Variants in CLTC observed in about 807,000 individuals in gnomAD.
CLTC encodes clathrin heavy chain 1.
In CLTC, 16 loss-of-function variants were observed where a neutral mutation model predicts 195.8. The observed-to-expected ratio is 0.08, with a 90% CI of 0.06 to 0.12. The LOEUF (loss-of-function observed/expected upper bound fraction) is 0.12. CLTC is among the 10% of genes least tolerant of loss of function. The pLI, the probability that CLTC is intolerant of heterozygous loss-of-function variation, is 1.00. For synonymous variants in CLTC, 667 were observed against 689.4 expected (o/e 0.97, Z 0.51); for missense variants, 796 against 2,027.0 (o/e 0.39, Z 11.66).
intron 14 of CLTC, chr17:59,670,875 G>T (rs942277331): frequency 6.6e-6 from 1 of 152,136 alleles, no homozygotes; most frequent in Non-Finnish European, 1.5e-5. Context: ...TATAGTAGGG[G>T]TGTGGATGTG....
intron 10 of CLTC, 138 bp downstream of exon 10, chr17:59,665,047 A>G: frequency 9.0e-7 from 1 of 1,110,522 alleles, no homozygotes; most frequent in Non-Finnish European, 1.3e-6. Flanking sequence ...CAACATTGTG[A>G]GACCCTGTAA....
rs1232830938 is a variant in CLTC at position 59,619,897 on chromosome 17, C to G, written c.-235C>G. 4.0e-6 allele frequency: 2 copies of G among 497,754 alleles called. No individual in the cohort carries two copies. Among genetic ancestry groups the G allele is most frequent in the Non-Finnish European group, 7.2e-6 (2 of 276,388 alleles). The allele number at this position is 497,754 out of a possible 1,614,324, so 30.8% of individuals were successfully genotyped here. ...GCCGGGATCCTTCCGCTGGGCTCAG[C>G]CGTTTCCGGAGTCTGCGCTGCGCCC... On this transcript the variant is annotated 5_prime_UTR_variant, in exon 1 of 32. Coordinates refer to ENST00000269122, the MANE Select transcript of CLTC (RefSeq NM_004859.4).
intron 1 of CLTC, among the ~76,000 whole-genome samples, chr17:59,643,644 A>C (rs969134517): frequency 6.6e-6 from 1 of 152,118 alleles, no homozygotes; most frequent in Non-Finnish European, 1.5e-5. Flanking sequence ...CCCTTAGCCA[A>C]CCACACTTTT....
intron 5 of CLTC, among the ~76,000 whole-genome samples, chr17:59,652,273 C>T (rs2143517385): frequency 6.6e-6 from 1 of 152,216 alleles, no homozygotes; most frequent in African/African-American, 2.4e-5. Context: ...TTTTGACTTC[C>T]TCCCATGAAT....
chr17:59,689,729 TTCTG>T (rs774108817), intron 30 of CLTC: 29 of 152,346 alleles, frequency 1.9e-4, no homozygotes, highest in Non-Finnish European at 2.8e-4. Flanking sequence ...GTAATGTCAC[TTCTG>T]TCTAATTCAT....
In CLTC at chr17:59,681,549, C is replaced by T. The variant is rs111403541; in HGVS notation, c.3249+71C>T. On this transcript the variant is annotated intron_variant, in intron 20 of 31. Transcript: ENST00000269122. This position sits in a 1 kb window ranked among gnomAD's most constrained non-coding sequence, Gnocchi z 5.0. ...TGAGGGTGGGCCTAATTGGTTGCTACGGCAATAGAGCAGCAATAAAATACT... is the reference window on the plus strand; with the variant it reads ...TGAGGGTGGGCCTAATTGGTTGCTATGGCAATAGAGCAGCAATAAAATACT... 2,009 of 1,574,072 alleles carry T rather than the reference C, an allele frequency of 1.3e-3. 26 individuals carry two copies. In the African/African-American group the frequency reaches 0.023, roughly 18 times the overall value.
intron 14 of CLTC, chr17:59,671,015 A>C (rs945906710): frequency 6.6e-6 from 1 of 152,214 alleles, no homozygotes; most frequent in Non-Finnish European, 1.5e-5. Flanking sequence ...TTCTTCAACC[A>C]TAAGCTATGT....
Position 59,696,669 on chromosome 17 carries a change from G to T in CLTC, c.*2817G>T, listed in dbSNP as rs1361984360. 4.7e-6 allele frequency: 1 copy of T among 210,596 alleles called. No individual in the cohort carries two copies. Among genetic ancestry groups the T allele is most frequent in the East Asian group, 7.2e-5 (1 of 13,954 alleles). The allele number at this position is 210,596 out of a possible 1,614,324, so 13.0% of individuals were successfully genotyped here. A position where few individuals can be genotyped will look rare whatever the true frequency, so the allele number is the denominator to read the frequency against. On this transcript the variant is annotated 3_prime_UTR_variant, in exon 32 of 32. Transcript: ENST00000269122. ...ATCTAAAGATCAAAAGGGAAAAAAG[G>T]CACCCTTAATTGTCAAAGTTAGTTC... is the stretch of plus-strand genomic sequence containing the variant.
At position 59,682,884 on chromosome 17, in the gene CLTC, C is replaced by T. The variant is rs1275411951; in HGVS notation, c.3766-23C>T. 1.2e-6 allele frequency: 2 copies of T among 1,612,190 alleles called. No individual in the cohort carries two copies. Among genetic ancestry groups the T allele is most frequent in the East Asian group, 2.2e-5 (1 of 44,852 alleles). On this transcript the variant is annotated intron_variant, in intron 23 of 31. Transcript: ENST00000269122. The surrounding 1 kb of genome is among the most constrained non-coding windows in gnomAD (Gnocchi z 6.8). ...TAGCCATGTTTTACATTTGAGTTCA[C>T]AGAAAGGAAATGTTTATTCTAGGTC...
chr17:59,637,554 T>G (rs910733707), intron 1 of CLTC, among the ~76,000 whole-genome samples: 4 of 131,334 alleles, frequency 3.0e-5, no homozygotes, highest in African/African-American at 1.1e-4. Flanking sequence ...TGAAGTTTCT[T>G]AAAAAAAAAA....
In CLTC at chr17:59,666,272, C is replaced by T. The variant is rs747761426; in HGVS notation, c.1782+32C>T. 1.8e-5 allele frequency: 29 copies of T among 1,605,784 alleles called. No individual in the cohort carries two copies. In the South Asian group the frequency reaches 3.1e-4, roughly 17 times the overall value. On this transcript the variant is annotated intron_variant, in intron 11 of 31. Transcript: ENST00000269122. This position sits in a 1 kb window ranked among gnomAD's most constrained non-coding sequence, Gnocchi z 4.9. ...GTTTTAATGCTTTTTAGGCATGTTT[C>T]CAACATTGTTTTAGTAATTGTGCAG... is the stretch of plus-strand genomic sequence containing the variant.
intron 1 of CLTC, among the ~76,000 whole-genome samples, chr17:59,624,655 G>T (rs1036758638): frequency 2.6e-5 from 4 of 151,796 alleles, no homozygotes; most frequent in African/African-American, 9.7e-5. Context: ...TTTTAGTAGA[G>T]ATGGGGTTTT....
intron 16 of CLTC, among the ~76,000 whole-genome samples, 189 bp from the exon 17 acceptor site, chr17:59,676,765 G>C (rs576390766): frequency 6.6e-6 from 1 of 152,264 alleles, no homozygotes; most frequent in African/African-American, 2.4e-5. Flanking sequence ...CAAGGCTGTA[G>C]TGCACAATGA....
At chr17:59,692,122 T>G (rs137966184) in intron 31 of CLTC, among the ~76,000 whole-genome samples, 6,535 of 152,134 alleles carry the variant, frequency 0.043, 474 homozygotes, top group African/African-American at 0.15. Flanking sequence ...ATCAAGACCA[T>G]CCTGGCCAAC....
chr17:59,668,824 G>T lies in CLTC; in HGVS notation c.2176G>T (p.Asp726Tyr). ...CATTGTTAACTTTAGCCAGGACCCA[G>T]ATGTGCACTTTAAATATATTCAGGC... ...GSIVNFSQDP[D>Y]VHFKYIQAAC... The change falls in exon 14 of 32, where the codon GAT becomes TAT. Residue 726 changes from aspartate (D) to tyrosine (Y), a missense_variant. This residue lies in a region of CLTC where 19 missense variants were observed against 35.7 expected (regional missense o/e 0.53). Coordinates refer to ENST00000269122, the MANE Select transcript of CLTC (RefSeq NM_004859.4). 1 of 1,613,452 alleles carries T rather than the reference G, an allele frequency of 6.2e-7. No homozygotes were observed. Among genetic ancestry groups the T allele is most frequent in the Non-Finnish European group, 8.5e-7 (1 of 1,179,776 alleles).
chr17:59,637,698 C>CAA (rs35693192), intron 1 of CLTC, among the ~76,000 whole-genome samples: 10 of 113,496 alleles, frequency 8.8e-5, no homozygotes, highest in African/African-American at 2.7e-4. Flanking sequence ...CCTATCTCTA[C>CAA]AAAAAAAAAA....
rs766315012 is a variant in CLTC at position 59,693,845 on chromosome 17, G to A, written c.5021G>A (p.Ser1674Asn). 1.2e-6 allele frequency: 2 copies of A among 1,610,470 alleles called. No homozygotes were observed. Among genetic ancestry groups the A allele is most frequent in the South Asian group, 1.1e-5 (1 of 90,742 alleles). Residue 1674 changes from serine (S) to asparagine (N), a missense_variant, in exon 32 of 32, where the codon AGC (serine) becomes AAC (asparagine). Transcript: ENST00000269122. ...YGQPQPGFGY[S>N]M ...CAGCCACAGCCTGGCTTTGGGTACA[G>A]CATGTGAGATGAAGCGCTGATCCTG... is the stretch of plus-strand genomic sequence containing the variant.
intron 1 of CLTC, among the ~76,000 whole-genome samples, chr17:59,630,350 A>G (rs1433219433): frequency 6.6e-6 from 1 of 152,192 alleles, no homozygotes; most frequent in Non-Finnish European, 1.5e-5. Context: ...TGACTAGTTG[A>G]ATTGTACATT....
intron 6 of CLTC, among the ~76,000 whole-genome samples, chr17:59,659,621 T>A (rs558446688): frequency 6.1e-4 from 92 of 149,668 alleles, no homozygotes; most frequent in African/African-American, 1.9e-3. Context: ...ATTTTTATAT[T>A]TTTTTTTTAG....
Sources: allele counts gnomAD v4.1 joint callset (sites outside exome capture counted in the v4.1 genomes callset), GRCh38; gene constraint gnomAD v4.1.1; regional missense constraint gnomAD v4.1.1; non-coding constraint Gnocchi (gnomAD v3.1); transcripts MANE v1.5; gene names NCBI Gene and HGNC (gene_info 2026-07-23, HGNC 2026-07-21).